SLC19A1: variants seen among roughly 807,000 people sequenced by gnomAD.
SLC19A1 encodes solute carrier family 19 member 1.
SLC19A1 carries 37 observed loss-of-function variants against 35.3 expected under a neutral mutation model. The ratio of observed to expected loss-of-function variants is 1.05; its 90% CI spans 0.81 to 1.38. The LOEUF is 1.38. Among genes scored for constraint, SLC19A1 ranks in the 40% most tolerant of loss-of-function variants. The pLI, the probability that SLC19A1 is intolerant of heterozygous loss-of-function variation, is 0.00. For missense variants in SLC19A1, 831 were observed against 826.9 expected, an observed-to-expected ratio of 1.00 and a Z score of -0.06; for synonymous variants, 460 against 398.5, an observed-to-expected ratio of 1.15 and a Z score of -1.84.
At position 45,555,154 on chromosome 21, in the gene SLC19A1, G is replaced by C. The variant is rs563945448; in HGVS notation, c.-50+7588C>G. The stretch of plus-strand genomic sequence containing the variant: ...CTCGCGACGCAGGGGGCGGTGCAGG[G>C]GGCGGCGGGGGCGGCGCAGGGGGCG... On this transcript the variant is annotated intron_variant, in intron 1 of 5. Coordinates refer to the SLC19A1 transcript ENST00000650808. Among the ~76,000 whole-genome samples the C allele has an allele frequency of 1.0e-3, 97 of 95,198 alleles. 2 individuals are homozygous for C. Among genetic ancestry groups the C allele is most frequent in the African/African-American group, 3.5e-3 (65 of 18,444 alleles). The allele number at this position is 95,198 out of a possible 152,430, so 62.5% of individuals were successfully genotyped here. A position where few individuals can be genotyped will look rare whatever the true frequency, so the allele number is the denominator to read the frequency against.
At chr21:45,557,052 G>C (rs1238530850) in intron 1 of SLC19A1, among the ~76,000 whole-genome samples, 1 of 152,154 alleles carries the variant, frequency 6.6e-6, no homozygotes, top group Non-Finnish European at 1.5e-5. Flanking sequence ...GCTCAGCCCT[G>C]GCCTGGCCAG....
At chr21:45,512,385 C>CTG, downstream of SLC19A1, 2 of 1,612,604 alleles carry the variant, frequency 1.2e-6, no homozygotes, top group Non-Finnish European at 1.7e-6. Context: ...AGCTTCATGA[C>CTG]TGCCTCCAAG....
intron 2 of SLC19A1, among the ~76,000 whole-genome samples, chr21:45,532,396 G>A (rs761829300): frequency 6.6e-6 from 1 of 152,208 alleles, no homozygotes; most frequent in Non-Finnish European, 1.5e-5. Flanking sequence ...GGCCACAGAA[G>A]GAATCGTTAT....
intron 1 of SLC19A1, among the ~76,000 whole-genome samples, chr21:45,561,173 C>A (rs904360113): frequency 9.9e-5 from 15 of 152,148 alleles, no homozygotes; most frequent in African/African-American, 3.4e-4. Flanking sequence ...TGAACAACAC[C>A]CAGCTGGGGG....
Position 45,532,559 on chromosome 21 carries a change from G to A in SLC19A1, c.190-411C>T, listed in dbSNP as rs570068897. On this transcript the variant is annotated intron_variant, in intron 2 of 5. Transcript: ENST00000311124. ...AGCAGTTCTCCTGCCTCAGCCTCCC[G>A]AGTAGCTGAGATTACAGGTGCGTAC... Among the ~76,000 whole-genome samples, 18 of 152,192 alleles carry A rather than the reference G, an allele frequency of 1.2e-4. 1 individual carries two copies. The East Asian group carries it at 1.7e-3, about 15-fold the overall frequency.
At chr21:45,531,035 G>C in intron 3 of SLC19A1, 64 bp from the exon 4 acceptor site, 1 of 1,174,176 alleles carries the variant, frequency 8.5e-7, no homozygotes, top group Non-Finnish European at 1.1e-6. Context: ...GGGAGGTAGC[G>C]GGAGCTTCTG....
chr21:45,509,344 T>C, downstream of SLC19A1: 1 of 1,544,418 alleles, frequency 6.5e-7, no homozygotes, highest in African/African-American at 1.4e-5. Context: ...GCCCCACGTC[T>C]CCCACCTGCA....
At chr21:45,521,899 T>A (rs2077450318) in intron 5 of SLC19A1, among the ~76,000 whole-genome samples, 1 of 152,114 alleles carries the variant, frequency 6.6e-6, no homozygotes. Context: ...CACGAAACTT[T>A]AAAAAAGAAA....
chr21:45,509,425 G>A (rs758364354), downstream of SLC19A1: 3 of 1,537,564 alleles, frequency 2.0e-6, no homozygotes, highest in Non-Finnish European at 1.7e-6. Context: ...CCCGCGGCGG[G>A]AGCACCCCCA....
At chr21:45,505,329 G>C in intron 3 of SLC19A1, 3 of 1,595,754 alleles carry the variant, frequency 1.9e-6, no homozygotes, top group East Asian at 2.2e-5. Flanking sequence ...GTGTGGCTTC[G>C]TGTTCCCACC....
chr21:45,534,762 G>T lies in SLC19A1; in HGVS notation c.190-2614C>A. The T allele has an allele frequency of 1.6e-6, 1 of 625,110 alleles. No individual in the cohort carries two copies. The highest frequency in any genetic ancestry group is 2.8e-6 in the Non-Finnish European group (1 of 359,132). 38.7% of individuals were successfully genotyped at this position (625,110 alleles called of 1,614,324 possible). A position where few individuals can be genotyped will look rare whatever the true frequency, so the allele number is the denominator to read the frequency against. Reference sequence around the variant, plus strand: ...AGACAGCAGGGAGGCTCTGCCCAGAGCTGTGACCTGCGTCCCACTTACAAG... The same window carrying T: ...AGACAGCAGGGAGGCTCTGCCCAGATCTGTGACCTGCGTCCCACTTACAAG... On this transcript the variant is annotated intron_variant, in intron 2 of 5. Coordinates refer to ENST00000311124, the MANE Select transcript of SLC19A1 (RefSeq NM_194255.4). The surrounding 1 kb of genome is among the most constrained non-coding windows in gnomAD (Gnocchi z 4.2).
Position 45,515,997 on chromosome 21 carries a change from C to A in SLC19A1, c.1437G>T (p.Lys479Asn), listed in dbSNP as rs775595969. ...CCTGCACGCTCAGTGCCTGTGCTGC[C>A]TTCTCCTCCGCGGCACTCCTCAGGC... ...AQGLRSAAEE[K>N]AAQALSVQDK... The change falls in exon 6 of 6, where the codon AAG becomes AAT. Residue 479 changes from lysine (K) to asparagine (N), a missense_variant. Coordinates refer to ENST00000311124, the MANE Select transcript of SLC19A1 (RefSeq NM_194255.4). 3 of 1,567,968 alleles carry A rather than the reference C, an allele frequency of 1.9e-6. No individual in the cohort carries two copies. Among genetic ancestry groups the A allele is most frequent in the Non-Finnish European group, 8.6e-7 (1 of 1,157,478 alleles).
Position 45,530,986 on chromosome 21 carries a change from A to T in SLC19A1, c.950-15T>A. ...CGTGATGGCGCCTGAGAGGGGAGGG[A>T]TGGGGCGTTGCAGCGGCCCTGGGGG... On this transcript the variant is annotated splice_polypyrimidine_tract_variant and intron_variant, in intron 3 of 5. Coordinates refer to ENST00000311124, the MANE Select transcript of SLC19A1 (RefSeq NM_194255.4). The surrounding 1 kb of genome is among the most constrained non-coding windows in gnomAD (Gnocchi z 5.3). 1.3e-5 allele frequency: 14 copies of T among 1,056,432 alleles called. No homozygotes were observed. Among genetic ancestry groups the T allele is most frequent in the African/African-American group, 2.0e-5 (1 of 48,982 alleles). 65.4% of individuals were successfully genotyped at this position (1,056,432 alleles called of 1,614,324 possible).
chr21:45,505,389 T>G, intron 3 of SLC19A1: 3 of 1,570,866 alleles, frequency 1.9e-6, no homozygotes, highest in South Asian at 2.2e-5. Context: ...CGGGCCCCCC[T>G]GGGCCCCCTG....
chr21:45,521,020 CA>C (rs55910547), intron 5 of SLC19A1, among the ~76,000 whole-genome samples: 61,158 of 115,296 alleles, frequency 0.53, 13,381 homozygotes, highest in African/African-American at 0.62. Context: ...AACTCCATCT[CA>C]AAAAAAAAAA....
chr21:45,503,345 G>A (rs532671751), intron 3 of SLC19A1, among the ~76,000 whole-genome samples: 1 of 152,004 alleles, frequency 6.6e-6, no homozygotes, highest in South Asian at 2.1e-4. Flanking sequence ...TTTTTCATGT[G>A]TTTTTTGGCT....
Position 45,531,471 on chromosome 21 carries a change from G to T in SLC19A1, c.867C>A (p.His289Gln), listed in dbSNP as rs2077897901. 6.2e-7 allele frequency: 1 copy of T among 1,612,698 alleles called. No homozygotes were observed. The highest frequency in any genetic ancestry group is 8.5e-7 in the Non-Finnish European group (1 of 1,179,734). Residue 289 changes from histidine to glutamine, a missense_variant, in exon 3 of 6, where the codon CAC becomes CAA. Transcript: ENST00000311124. ...AGYYLVVYYV[H>Q]ILWNEVDPTT... Reference sequence around the variant, plus strand: ...TGGGGTCCACCTCGTTCCACAGGATGTGCACGTAGTAGACCACCAGGTAGT... The same window carrying T: ...TGGGGTCCACCTCGTTCCACAGGATTTGCACGTAGTAGACCACCAGGTAGT...
chr21:45,526,370 A>G (rs183646938), intron 4 of SLC19A1, among the ~76,000 whole-genome samples: 2 of 152,318 alleles, frequency 1.3e-5, no homozygotes, highest in African/African-American at 2.4e-5. Flanking sequence ...GTGATTTTAT[A>G]TAATACCTGA....
At chr21:45,502,639 A>C (rs2146053854) in intron 3 of SLC19A1, 1 of 152,326 alleles carries the variant, frequency 6.6e-6, no homozygotes, top group South Asian at 2.1e-4. Flanking sequence ...ACTGAGGAAA[A>C]GGAGAGAAGC....
Sources: gnomAD v4.1 joint callset for allele counts (sites outside exome capture counted in the v4.1 genomes callset) on GRCh38, gnomAD v4.1.1 for gene constraint, Gnocchi (gnomAD v3.1) non-coding constraint, MANE v1.5 for transcripts, NCBI Gene and HGNC (gene_info 2026-07-23, HGNC 2026-07-21) for gene names.